DIP2C: variants seen among roughly 807,000 people sequenced by gnomAD.
The protein encoded by DIP2C is DIP2 acetate--CoA ligase C (putative).
In DIP2C, 33 loss-of-function variants were observed where a neutral mutation model predicts 192.4. The observed-to-expected ratio is 0.17, with a 90% CI of 0.13 to 0.23. The LOEUF is 0.23. Among genes scored for constraint, DIP2C ranks in the 10% least tolerant of loss-of-function variants. DIP2C has a pLI of 1.00. For synonymous variants in DIP2C, 979 were observed against 864.1 expected (o/e 1.13, Z -2.33); for missense variants, 1,537 against 2,110.1 (o/e 0.73, Z 5.32).
intron 1 of DIP2C, among the ~76,000 whole-genome samples, chr10:677,017 A>G (rs1313420804): frequency 6.6e-6 from 1 of 152,216 alleles, no homozygotes; most frequent in Non-Finnish European, 1.5e-5. Context: ...ATTACACATG[A>G]CAAACATGTA....
At chr10:457,160 C>T (rs563856587) in intron 3 of DIP2C, among the ~76,000 whole-genome samples, 5 of 152,244 alleles carry the variant, frequency 3.3e-5, no homozygotes, top group South Asian at 2.1e-4. Context: ...AGAGGACAAG[C>T]GTGATGACTT....
chr10:373,458 T>A (rs549364111), intron 17 of DIP2C, among the ~76,000 whole-genome samples: 1 of 152,208 alleles, frequency 6.6e-6, no homozygotes, highest in Middle Eastern at 3.2e-3. Context: ...ATGATGCTTA[T>A]TCTATGTTGG....
At chr10:574,775 A>G (rs1044598902) in intron 1 of DIP2C, among the ~76,000 whole-genome samples, 2 of 152,194 alleles carry the variant, frequency 1.3e-5, no homozygotes, top group Non-Finnish European at 2.9e-5. Flanking sequence ...CACTATCTTC[A>G]ATGTGCTATG....
At chr10:455,344 A>G (rs1969208756) in intron 3 of DIP2C, among the ~76,000 whole-genome samples, 1 of 138,616 alleles carries the variant, frequency 7.2e-6, no homozygotes, top group East Asian at 2.1e-4. Flanking sequence ...GGAATAAATG[A>G]GATGAAAACA....
intron 1 of DIP2C, among the ~76,000 whole-genome samples, chr10:626,193 G>C (rs1387162216): frequency 1.3e-5 from 2 of 152,216 alleles, no homozygotes; most frequent in Non-Finnish European, 2.9e-5. Flanking sequence ...ATGTGCACCT[G>C]TGACGGGGAC....
chr10:369,367 G>C (rs1013709798), intron 18 of DIP2C, 127 bp downstream of exon 18: 4 of 1,197,566 alleles, frequency 3.3e-6, no homozygotes, highest in East Asian at 5.3e-5. Flanking sequence ...AGAAGACTGG[G>C]AGTGAGGCTC....
At chr10:382,078 C>T (rs967281889) in intron 17 of DIP2C, among the ~76,000 whole-genome samples, 2 of 152,198 alleles carry the variant, frequency 1.3e-5, no homozygotes, top group African/African-American at 4.8e-5. Context: ...GCGTATCACA[C>T]AGGAAGAGGT....
chr10:389,304 G>A (rs557532911), intron 13 of DIP2C, among the ~76,000 whole-genome samples: 1 of 152,050 alleles, frequency 6.6e-6, no homozygotes, highest in Non-Finnish European at 1.5e-5. Context: ...GGCCACCAAT[G>A]GGGGGAGTCT....
At chr10:547,103 C>T (rs140348774) in intron 1 of DIP2C, among the ~76,000 whole-genome samples, 1 of 152,188 alleles carries the variant, frequency 6.6e-6, no homozygotes, top group African/African-American at 2.4e-5. Context: ...CCTCGGAAGA[C>T]GCACCTCTGC....
chr10:428,232 A>G (rs1031336093), intron 4 of DIP2C, among the ~76,000 whole-genome samples: 2 of 152,208 alleles, frequency 1.3e-5, no homozygotes, highest in African/African-American at 4.8e-5. Flanking sequence ...TTTATATTCC[A>G]GAAAATTTGA....
intron 1 of DIP2C, among the ~76,000 whole-genome samples, chr10:606,907 T>TGG (rs1264695425): frequency 6.6e-6 from 1 of 152,166 alleles, no homozygotes; most frequent in Non-Finnish European, 1.5e-5. Context: ...TGACTCAGGC[T>TGG]GGGGTCTGAA....
chr10:578,461 C>T (rs539945595), intron 1 of DIP2C, among the ~76,000 whole-genome samples: 7 of 152,290 alleles, frequency 4.6e-5, no homozygotes, highest in African/African-American at 7.2e-5. Flanking sequence ...CCTGTTGTTT[C>T]GTTTCTCTCA....
chr10:316,927 A>C (rs1430386270), intron 31 of DIP2C, among the ~76,000 whole-genome samples: 1 of 152,208 alleles, frequency 6.6e-6, no homozygotes, highest in Non-Finnish European at 1.5e-5. Context: ...TCCTAGGAAG[A>C]AATGTAATTC....
chr10:509,896 A>C (rs1437659445), intron 1 of DIP2C, among the ~76,000 whole-genome samples: 1 of 152,218 alleles, frequency 6.6e-6, no homozygotes, highest in Non-Finnish European at 1.5e-5. Flanking sequence ...TGTGGTGCTC[A>C]TCAGGCTAAG....
intron 3 of DIP2C, among the ~76,000 whole-genome samples, chr10:467,068 A>G (rs1218244525): frequency 6.6e-6 from 1 of 151,732 alleles, no homozygotes; most frequent in Non-Finnish European, 1.5e-5. Flanking sequence ...ATGCTGCTAT[A>G]AAGACACATG....
chr10:359,748 C>T (rs1959221983), intron 22 of DIP2C, among the ~76,000 whole-genome samples: 1 of 152,184 alleles, frequency 6.6e-6, no homozygotes, highest in Non-Finnish European at 1.5e-5. Flanking sequence ...TGCGCATCCT[C>T]TATCTCTACC....
chr10:469,832 C>T (rs749979655), intron 3 of DIP2C, among the ~76,000 whole-genome samples: 4 of 152,152 alleles, frequency 2.6e-5, no homozygotes, highest in Admixed American at 2.0e-4. Context: ...ATAACCCAGC[C>T]GCTCCTACCT....
At chr10:345,293 G>GGGGGC in intron 26 of DIP2C, 183 bp from the exon 27 acceptor site, 1 of 703,596 alleles carries the variant, frequency 1.4e-6, no homozygotes. Context: ...GTGGAGGCAC[G>GGGGGC]GGGGCAGGGC....
At chr10:379,886 C>T (rs993963106) in intron 17 of DIP2C, among the ~76,000 whole-genome samples, 5 of 151,722 alleles carry the variant, frequency 3.3e-5, no homozygotes, top group Admixed American at 1.3e-4. Flanking sequence ...AGATGGTTAA[C>T]GTGCAGAAGA....
Sources: allele counts gnomAD v4.1 joint callset (sites outside exome capture counted in the v4.1 genomes callset), GRCh38; gene constraint gnomAD v4.1.1; transcripts MANE v1.5; gene names NCBI Gene and HGNC (gene_info 2026-07-23, HGNC 2026-07-21).